SLC9A9: variants seen among roughly 807,000 people sequenced by gnomAD.
SLC9A9 encodes the protein solute carrier family 9 member A9.
A neutral mutation model predicts 77.8 loss-of-function variants in SLC9A9; 62 were observed. That is an observed-to-expected ratio of 0.80 (90% CI 0.65 to 0.98). The LOEUF (loss-of-function observed/expected upper bound fraction) is 0.98, where lower values mean the gene tolerates loss of function less well. Among genes scored for constraint, SLC9A9 ranks in the 50% least tolerant of loss-of-function variants. SLC9A9 has a pLI of 0.00. For missense variants in SLC9A9, 775 were observed against 774.9 expected (o/e 1.00, Z 0.00); for synonymous variants, 320 against 283.5 (o/e 1.13, Z -1.29).
chr3:143,806,743 G>A (rs962105172), intron 2 of SLC9A9, among the ~76,000 whole-genome samples: 1 of 151,544 alleles, frequency 6.6e-6, no homozygotes, highest in African/African-American at 2.4e-5. Context: ...GTGGTGGGGG[G>A]GGCAAGTGGG....
intron 14 of SLC9A9, among the ~76,000 whole-genome samples, chr3:143,324,679 G>A (rs1225473606): frequency 1.3e-5 from 2 of 152,062 alleles, no homozygotes; most frequent in African/African-American, 4.8e-5. Flanking sequence ...AAATTTAGGT[G>A]AGTATGGTGG....
intron 6 of SLC9A9, among the ~76,000 whole-genome samples, chr3:143,608,220 T>C (rs1470706726): frequency 1.3e-5 from 2 of 152,236 alleles, no homozygotes; most frequent in Non-Finnish European, 2.9e-5. Context: ...TTTATTTTTC[T>C]GGTGATATTC....
chr3:143,804,056 C>A (rs2008642944), intron 2 of SLC9A9, among the ~76,000 whole-genome samples: 1 of 152,142 alleles, frequency 6.6e-6, no homozygotes, highest in South Asian at 2.1e-4. Context: ...GTGGCCGCTC[C>A]TTTACGTATC....
chr3:143,546,947 C>A (rs2036801374), intron 9 of SLC9A9, among the ~76,000 whole-genome samples: 1 of 152,164 alleles, frequency 6.6e-6, no homozygotes, highest in Non-Finnish European at 1.5e-5. Flanking sequence ...TACCTTGAAC[C>A]CATTCTATTC....
chr3:143,694,595 C>T (rs1270245509), intron 4 of SLC9A9, among the ~76,000 whole-genome samples: 4 of 152,026 alleles, frequency 2.6e-5, no homozygotes, highest in East Asian at 1.9e-4. Flanking sequence ...TAATATTTTT[C>T]GTATTTTTAG....
chr3:143,826,258 TG>T lies in SLC9A9; in HGVS notation c.378+5760del, dbSNP rs748189997. On this transcript the variant is annotated intron_variant, in intron 2 of 15. Coordinates refer to ENST00000316549, the MANE Select transcript of SLC9A9 (RefSeq NM_173653.4). ...TGGGCGACAGAGCAAGACTCTGTCT[TG>T]AAAAAAAAAAAAAACCACCATATTT... 4.5e-3 allele frequency among the ~76,000 whole-genome samples: 558 copies of T among 123,968 alleles called. 6 individuals carry two copies. The highest frequency in any genetic ancestry group is 0.039 in the East Asian group (180 of 4,634). 81.3% of individuals were successfully genotyped at this position (123,968 alleles called of 152,430 possible).
chr3:143,594,503 G>A lies in SLC9A9; in HGVS notation c.756-15780C>T, dbSNP rs986041316. Among the ~76,000 whole-genome samples the A allele has an allele frequency of 2.6e-5, 4 of 152,108 alleles. No individual in the cohort carries two copies. The East Asian group carries it at 7.7e-4, about 29-fold the overall frequency. ...GTGTTAACCAGGTGGCCAAAGTCAC[G>A]TGGTGAGCAAGTGGTAGGACTGACA... On this transcript the variant is annotated intron_variant, in intron 6 of 15. Transcript: ENST00000316549.
intron 12 of SLC9A9, among the ~76,000 whole-genome samples, chr3:143,444,229 A>G (rs1378655375): frequency 6.6e-6 from 1 of 152,226 alleles, no homozygotes; most frequent in East Asian, 1.9e-4. Flanking sequence ...TTGGTCCTAA[A>G]TTGGCCAGAT....
At chr3:143,752,679 GTTT>G (rs77031960) in intron 4 of SLC9A9, among the ~76,000 whole-genome samples, 1 of 138,966 alleles carries the variant, frequency 7.2e-6, no homozygotes, top group African/African-American at 2.6e-5. Flanking sequence ...ATGTGAAAAG[GTTT>G]TTTTTTTTTT....
At chr3:143,602,906 A>G (rs1190945017) in intron 6 of SLC9A9, among the ~76,000 whole-genome samples, 1 of 152,238 alleles carries the variant, frequency 6.6e-6, no homozygotes, top group African/African-American at 2.4e-5. Context: ...GTGGATAAGA[A>G]TGCTGATGAC....
At chr3:143,580,041 G>T (rs1172722602) in intron 6 of SLC9A9, among the ~76,000 whole-genome samples, 1 of 152,196 alleles carries the variant, frequency 6.6e-6, no homozygotes, top group African/African-American at 2.4e-5. Flanking sequence ...TGAAATGTAT[G>T]CGAGAAAAGG....
chr3:143,518,257 G>A, intron 9 of SLC9A9: 1 of 1,550,024 alleles, frequency 6.5e-7, no homozygotes, highest in Non-Finnish European at 8.8e-7. Context: ...CGAAGCTCAG[G>A]GGCTGCAGCC....
chr3:143,406,991 A>AG (rs1379034962), intron 12 of SLC9A9, among the ~76,000 whole-genome samples: 1 of 151,556 alleles, frequency 6.6e-6, no homozygotes, highest in Non-Finnish European at 1.5e-5. Context: ...AAAAAAAAAA[A>AG]AAAAAGAAAA....
At chr3:143,553,050 T>C (rs1159213326) in intron 8 of SLC9A9, among the ~76,000 whole-genome samples, 1 of 152,210 alleles carries the variant, frequency 6.6e-6, no homozygotes, top group Admixed American at 6.5e-5. Context: ...TGCTCTGTCC[T>C]GCTGCCAAAC....
intron 6 of SLC9A9, among the ~76,000 whole-genome samples, chr3:143,622,650 A>G (rs2038239341): frequency 6.6e-6 from 1 of 152,240 alleles, no homozygotes; most frequent in African/African-American, 2.4e-5. Flanking sequence ...GCTACCAGCC[A>G]TTGCAAAAAC....
rs1053073566 is a variant in SLC9A9 at position 143,265,270 on chromosome 3, A to G, written c.*1432T>C. 2.0e-5 allele frequency: 3 copies of G among 152,250 alleles called. No homozygotes were observed. Among genetic ancestry groups the G allele is most frequent in the Non-Finnish European group, 4.4e-5 (3 of 68,050 alleles). The allele number at this position is 152,250 out of a possible 1,614,324, so 9.4% of individuals were successfully genotyped here. A position where few individuals can be genotyped will look rare whatever the true frequency, so the allele number is the denominator to read the frequency against. ...GGATTAAGTCAAATTAGAAAACTTC[A>G]TGCTCCACCACTTGTCATATTTACC... On this transcript the variant is annotated 3_prime_UTR_variant, in exon 16 of 16. Coordinates refer to ENST00000316549, the MANE Select transcript of SLC9A9 (RefSeq NM_173653.4).
chr3:143,564,675 A>G (rs977151934), intron 8 of SLC9A9, among the ~76,000 whole-genome samples: 3 of 152,182 alleles, frequency 2.0e-5, no homozygotes, highest in African/African-American at 4.8e-5. Flanking sequence ...CATCTAGTTC[A>G]CCATATTTGG....
chr3:143,477,347 T>TTTTTTTTTC (rs1553758984), intron 11 of SLC9A9, among the ~76,000 whole-genome samples: 4 of 103,048 alleles, frequency 3.9e-5, no homozygotes, highest in Admixed American at 2.0e-4. Context: ...TTTTTTTTTT[T>TTTTTTTTTC]CCCCCTCCCC....
intron 1 of SLC9A9, among the ~76,000 whole-genome samples, chr3:143,847,012 C>T (rs1445790153): frequency 4.6e-5 from 7 of 152,140 alleles, no homozygotes; most frequent in Non-Finnish European, 8.8e-5. Flanking sequence ...CTGAAACTTC[C>T]GCCTTATAGC....
Sources: gnomAD v4.1 joint callset for allele counts (sites outside exome capture counted in the v4.1 genomes callset) on GRCh38, gnomAD v4.1.1 for gene constraint, MANE v1.5 for transcripts, NCBI Gene and HGNC (gene_info 2026-07-23, HGNC 2026-07-21) for gene names.